Variants in F11 observed in about 807,000 individuals in gnomAD.
F11 encodes coagulation factor XI.
Under a neutral mutation model 76.5 loss-of-function variants are expected in F11, and 78 were observed. The ratio of observed to expected loss-of-function variants is 1.02; its 90% CI spans 0.85 to 1.23. The LOEUF is 1.23. Among genes scored for constraint, F11 ranks in the 50% most tolerant of loss-of-function variants. The pLI, the probability that F11 is intolerant of heterozygous loss-of-function variation, is 0.00. For synonymous variants in F11, 278 were observed against 276.3 expected (o/e 1.01, Z -0.06); for missense variants, 742 against 771.4 (o/e 0.96, Z 0.45).
intron 13 of F11, among the ~76,000 whole-genome samples, chr4:186,287,065 C>T (rs1465886789): frequency 2.0e-5 from 3 of 151,966 alleles, no homozygotes; most frequent in Admixed American, 2.0e-4. Flanking sequence ...CCTCCACCTC[C>T]CGGGTTCAAG....
intron 14 of F11, 28 bp from the exon 15 acceptor site, chr4:186,288,425 C>T: frequency 1.2e-6 from 2 of 1,613,870 alleles, no homozygotes; most frequent in Non-Finnish European, 1.7e-6. Context: ...TTGATCTGTG[C>T]ACCTTTTCTT....
In F11 at chr4:186,287,800, G is replaced by A. The variant is rs281875275; in HGVS notation, c.1693G>A (p.Glu565Lys). ...TAAGATGATCTGTGCCGGCTACAGG[G>A]AAGGAGGGAAGGACGCTTGCAAGGT... ...THKMICAGYR[E>K]GGKDACKGDS... Residue 565 changes from glutamate (E) to lysine (K), a missense_variant, in exon 14 of 15, where the codon GAA (glutamate) becomes AAA (lysine). Transcript: ENST00000403665. 9 of 1,613,106 alleles carry A rather than the reference G, an allele frequency of 5.6e-6. No individual in the cohort carries two copies. The highest frequency in any genetic ancestry group is 1.6e-4 in the Middle Eastern group (1 of 6,080).
At chr4:186,286,124 T>C (rs1580103759) in intron 12 of F11, 1 of 517,798 alleles carries the variant, frequency 1.9e-6, no homozygotes, top group South Asian at 2.2e-5. Flanking sequence ...TTAAAGATAA[T>C]TTAGGGATGA....
rs568171348 is a variant in F11, at chr4:186,276,374, C to A, written c.739C>A (p.Pro247Thr). ...TTTTACCTTCTTTTCCCAGGAATGG[C>A]CCAAAGAATCTCAAAGGTAAGGAGT... ...LFFTFFSQEW[P>T]KESQRNLCLL... Residue 247 changes from proline (P) to threonine (T), a missense_variant, in exon 7 of 15, where the codon CCC (proline) becomes ACC (threonine). Coordinates refer to ENST00000403665, the MANE Select transcript of F11 (RefSeq NM_000128.4). 6.2e-6 allele frequency: 10 copies of A among 1,613,988 alleles called. No homozygotes were observed. The South Asian group carries it at 9.9e-5, about 16-fold the overall frequency.
chr4:186,280,127 C>T lies in F11; in HGVS notation c.865+6C>T. On this transcript the variant is annotated splice_donor_region_variant and intron_variant, in intron 8 of 14. Transcript: ENST00000403665. Reference sequence around the variant, plus strand: ...CTGCAGGCACAGCATCCCAGGTAAACTGAGAGTTCTGCATTCTGGCTGAGA... The same window carrying T: ...CTGCAGGCACAGCATCCCAGGTAAATTGAGAGTTCTGCATTCTGGCTGAGA... 2 of 1,614,056 alleles carry T rather than the reference C, an allele frequency of 1.2e-6. No homozygotes were observed. The highest frequency in any genetic ancestry group is 1.7e-6 in the Non-Finnish European group (2 of 1,179,938).
At chr4:186,279,339 G>A (rs556033625) in intron 7 of F11, among the ~76,000 whole-genome samples, 3 of 151,540 alleles carry the variant, frequency 2.0e-5, no homozygotes, top group Admixed American at 6.6e-5. Flanking sequence ...CCAAGATCGC[G>A]ACACTGCACT....
intron 5 of F11, 121 bp from the exon 6 acceptor site, chr4:186,275,666 C>T (rs1740305743): frequency 1.4e-6 from 1 of 730,592 alleles, no homozygotes; most frequent in African/African-American, 1.7e-5. Flanking sequence ...ATTCAGCCTC[C>T]CAGATGGATG....
Position 186,288,952 on chromosome 4 carries a change from A to T in F11, c.*338A>T. ...AGTGGCAGTGGGGATCAGGCAGAAG[A>T]ACTGGTAAAAGAAGCCACCATAAAT... On this transcript the variant is annotated 3_prime_UTR_variant, in exon 15 of 15. Coordinates refer to ENST00000403665, the MANE Select transcript of F11 (RefSeq NM_000128.4). 1 of 330,144 alleles carries T rather than the reference A, an allele frequency of 3.0e-6. No homozygotes were observed. Among genetic ancestry groups the T allele is most frequent in the South Asian group, 2.7e-5 (1 of 37,220 alleles). 20.5% of individuals were successfully genotyped at this position (330,144 alleles called of 1,614,324 possible).
chr4:186,288,519 T>A lies in F11; in HGVS notation c.1783T>A (p.Trp595Arg), dbSNP rs760837043. 1 of 1,614,172 alleles carries A rather than the reference T, an allele frequency of 6.2e-7. No individual in the cohort carries two copies. Among genetic ancestry groups the A allele is most frequent in the Admixed American group, 1.7e-5 (1 of 60,028 alleles). The change falls in exon 15 of 15, where the codon TGG becomes AGG. Residue 595 changes from tryptophan to arginine, a missense_variant. Transcript: ENST00000403665. ...CTGGCATCTGGTAGGCATCACGAGC[T>A]GGGGCGAAGGCTGTGCTCAAAGGGA... ...EVWHLVGITS[W>R]GEGCAQRERP...
chr4:186,280,530 G>A lies in F11; in HGVS notation c.1085G>A (p.Gly362Glu). ...SNGSPTKILHGRGGISGYTLR... is the reference protein window; with the variant it reads ...SNGSPTKILHERGGISGYTLR... ...GGATCTCCAACTAAAATACTTCACGGGAGAGGAGGCATCTCTGGATACACA... is the reference window on the plus strand; with the variant it reads ...GGATCTCCAACTAAAATACTTCACGAGAGAGGAGGCATCTCTGGATACACA... The change falls in exon 10 of 15, where the codon GGG becomes GAG. Residue 362 changes from glycine to glutamate, a missense_variant. Physicochemically the swap from Gly to Glu is moderately conservative, Grantham distance 98. Transcript: ENST00000403665. 1 of 1,614,146 alleles carries A rather than the reference G, an allele frequency of 6.2e-7. No individual in the cohort carries two copies. Among genetic ancestry groups the A allele is most frequent in the South Asian group, 1.1e-5 (1 of 91,080 alleles).
chr4:186,289,785 C>T (rs979424207), downstream of F11, among the ~76,000 whole-genome samples: 2 of 151,294 alleles, frequency 1.3e-5, no homozygotes, highest in Admixed American at 1.3e-4. Context: ...TGGATTCAAG[C>T]GATTGTCCTG....
intron 7 of F11, among the ~76,000 whole-genome samples, chr4:186,279,264 C>G (rs1473754495): frequency 2.0e-5 from 3 of 152,060 alleles, no homozygotes; most frequent in African/African-American, 4.8e-5. Flanking sequence ...TGCCTGTAAT[C>G]CCAGCTACTC....
intron 6 of F11, 23 bp downstream of exon 6, chr4:186,275,919 T>C: frequency 1.9e-6 from 3 of 1,543,640 alleles, no homozygotes; most frequent in Non-Finnish European, 2.7e-6. Flanking sequence ...TTCTTGATGA[T>C]GTAATTCAAC....
chr4:186,270,997 C>G (rs527902591), intron 2 of F11, among the ~76,000 whole-genome samples: 1 of 152,006 alleles, frequency 6.6e-6, no homozygotes, highest in East Asian at 1.9e-4. Flanking sequence ...TGAGCCACTG[C>G]GCCCACTCCG....
intron 1 of F11, 130 bp from the exon 2 acceptor site, chr4:186,267,000 TATAATG>T (rs1389620514): frequency 2.9e-6 from 2 of 684,786 alleles, no homozygotes; most frequent in Admixed American, 4.2e-5. Flanking sequence ...AATTCAACAT[TATAATG>T]AGAACACTGT....
In F11 at chr4:186,267,196, G is replaced by T. The variant is rs1412551310; in HGVS notation, c.55+5G>T. 1 of 1,532,736 alleles carries T rather than the reference G, an allele frequency of 6.5e-7. No individual in the cohort carries two copies. The highest frequency in any genetic ancestry group is 1.1e-5 in the South Asian group (1 of 89,470). The allele number at this position is 1,532,736 out of a possible 1,614,324, so 94.9% of individuals were successfully genotyped here. ...TATTTACTTCAGTTTCTGGTGGTAA[G>T]TAGAGTGTTATCTTAACTATGGGCT... is the stretch of plus-strand genomic sequence containing the variant. On this transcript the variant is annotated splice_donor_5th_base_variant and intron_variant, in intron 2 of 14. Coordinates refer to ENST00000403665, the MANE Select transcript of F11 (RefSeq NM_000128.4).
At chr4:186,275,745 A>G in intron 5 of F11, 42 bp from the exon 6 acceptor site, 1 of 1,425,982 alleles carries the variant, frequency 7.0e-7, no homozygotes, top group East Asian at 2.3e-5. Flanking sequence ...TCCTCCTTGC[A>G]GTTGGAAGAA....
intron 2 of F11, among the ~76,000 whole-genome samples, chr4:186,269,008 A>G (rs974115134): frequency 6.6e-6 from 1 of 152,222 alleles, no homozygotes; most frequent in African/African-American, 2.4e-5. Flanking sequence ...TTATAAGGTC[A>G]GGGTAATCTT....
At chr4:186,287,871 T>G (rs1741327077) in intron 14 of F11, 48 bp downstream of exon 14, 1 of 1,593,542 alleles carries the variant, frequency 6.3e-7, no homozygotes, top group Non-Finnish European at 8.6e-7. Flanking sequence ...TTGGAATGCT[T>G]AATGCGTTGG....
Sources: allele counts gnomAD v4.1 joint callset (sites outside exome capture counted in the v4.1 genomes callset), GRCh38; gene constraint gnomAD v4.1.1; transcripts MANE v1.5; gene names NCBI Gene and HGNC (gene_info 2026-07-23, HGNC 2026-07-21).